The following CLRN1 variants were observed in gnomAD, a reference collection of about 807,000 sequenced individuals.
CLRN1 encodes clarin-1.
A neutral mutation model predicts 18.7 loss-of-function variants in CLRN1; 15 were observed. That is an observed-to-expected ratio of 0.80 (90% confidence interval 0.54 to 1.23). The LOEUF is 1.23. CLRN1 is among the 50% of genes most tolerant of loss of function. The pLI, the probability that CLRN1 is intolerant of heterozygous loss-of-function variation, is 0.00. For synonymous variants in CLRN1, 104 were observed against 102.9 expected, an observed-to-expected ratio of 1.01 and a Z score of -0.07; for missense variants, 311 against 277.5, an observed-to-expected ratio of 1.12 and a Z score of -0.86.
chr3:150,927,889 A>T lies in CLRN1; in HGVS notation c.*47T>A. 1 of 1,611,282 alleles carries T rather than the reference A, an allele frequency of 6.2e-7. No homozygotes were observed. The highest frequency in any genetic ancestry group is 1.1e-5 in the South Asian group (1 of 90,926). On this transcript the variant is annotated 3_prime_UTR_variant, in exon 3 of 3. Transcript: ENST00000327047. ...GCAAAATTAACCACATCTAAAAGTGACCAAAGCAAGTCTACTCCCTTGTAA... is the reference window on the plus strand; with the variant it reads ...GCAAAATTAACCACATCTAAAAGTGTCCAAAGCAAGTCTACTCCCTTGTAA...
intron 1 of CLRN1, among the ~76,000 whole-genome samples, chr3:150,966,918 C>T (rs1240133798): frequency 6.6e-6 from 1 of 152,130 alleles, no homozygotes; most frequent in African/African-American, 2.4e-5. Flanking sequence ...GCGAGCCCCT[C>T]GTTGTATAGA....
intron 1 of CLRN1, among the ~76,000 whole-genome samples, chr3:150,962,505 C>T (rs1165761502): frequency 6.6e-6 from 1 of 152,084 alleles, no homozygotes; most frequent in Non-Finnish European, 1.5e-5. Flanking sequence ...ATTCTATCCC[C>T]TTGGCTCTTA....
At position 150,927,747 on chromosome 3, in the gene CLRN1, C is replaced by T. The variant is rs1173903872; in HGVS notation, c.*189G>A. ...AGCAATTTCCCACCAGATAAAACAA[C>T]TTTTCAAAGCCTTCCTTCTGCTTCC... On this transcript the variant is annotated 3_prime_UTR_variant, in exon 3 of 3. Coordinates refer to ENST00000327047, the MANE Select transcript of CLRN1 (RefSeq NM_174878.3). 2.4e-6 allele frequency: 2 copies of T among 834,274 alleles called. No individual in the cohort carries two copies. Among genetic ancestry groups the T allele is most frequent in the Admixed American group, 4.0e-5 (2 of 49,672 alleles). The allele number at this position is 834,274 out of a possible 1,614,324, so 51.7% of individuals were successfully genotyped here.
In CLRN1 at chr3:150,945,611, T is replaced by G. The variant is rs761102795; in HGVS notation, c.254-3850A>C. 3.2e-5 allele frequency: 41 copies of G among 1,286,950 alleles called. No individual in the cohort carries two copies. In the South Asian group the frequency reaches 5.1e-4, roughly 16 times the overall value. 79.7% of individuals were successfully genotyped at this position (1,286,950 alleles called of 1,614,324 possible). A position where few individuals can be genotyped will look rare whatever the true frequency, so the allele number is the denominator to read the frequency against. On this transcript the variant is annotated intron_variant, in intron 1 of 2. Transcript: ENST00000327047. The stretch of plus-strand genomic sequence containing the variant: ...TTTGGATCCTGATGGTGTTTACCAG[T>G]GTCCTCACTCAGGAGTCATGGCCAG...
At chr3:150,945,181 C>A (rs954081866) in intron 1 of CLRN1, among the ~76,000 whole-genome samples, 5 of 152,164 alleles carry the variant, frequency 3.3e-5, no homozygotes, top group Non-Finnish European at 7.3e-5. Flanking sequence ...CCCATTGGAA[C>A]AGACATCCCA....
At chr3:150,969,597 A>G (rs993894043) in intron 1 of CLRN1, among the ~76,000 whole-genome samples, 1 of 152,030 alleles carries the variant, frequency 6.6e-6, no homozygotes, top group African/African-American at 2.4e-5. Flanking sequence ...AAAAGTTGGG[A>G]TTACAGGCGT....
intron 1 of CLRN1, among the ~76,000 whole-genome samples, chr3:150,958,979 T>C (rs1714892219): frequency 6.6e-6 from 1 of 152,222 alleles, no homozygotes; most frequent in Non-Finnish European, 1.5e-5. Flanking sequence ...TATCCTGGAA[T>C]GAAGCTCCAG....
At chr3:150,958,672 C>T (rs1433559664) in intron 1 of CLRN1, among the ~76,000 whole-genome samples, 2 of 152,206 alleles carry the variant, frequency 1.3e-5, no homozygotes, top group African/African-American at 4.8e-5. Context: ...AAGAACTTCC[C>T]TCTGATTTTC....
In CLRN1 at chr3:150,928,070, A is replaced by G. The variant is rs765666363; in HGVS notation, c.565T>C (p.Phe189Leu). The change falls in exon 3 of 3, where the codon TTC becomes CTC. Residue 189 changes from phenylalanine (F) to leucine (L), a missense_variant. Transcript: ENST00000327047. ...KTQSEKYTTS[F>L]WVIFFCFFVH... Reference sequence around the variant, plus strand: ...AAAAAGCAAAAGAAAATGACCCAGAATGAGGTGGTATATTTTTCACTTTGC... The same window carrying G: ...AAAAAGCAAAAGAAAATGACCCAGAGTGAGGTGGTATATTTTTCACTTTGC... The G allele has an allele frequency of 3.7e-6, 6 of 1,614,046 alleles. No individual in the cohort carries two copies. Among genetic ancestry groups the G allele is most frequent in the Non-Finnish European group, 2.5e-6 (3 of 1,180,002 alleles).
rs1385465825 is a variant in CLRN1 at position 150,951,717 on chromosome 3, AGGGAGACCTCT to A, written c.254-9967_254-9957del. On this transcript the variant is annotated intron_variant, in intron 1 of 2. Coordinates refer to ENST00000327047, the MANE Select transcript of CLRN1 (RefSeq NM_174878.3). ...GCTGTACGTGGCAGCATTAGCTTCT[AGGGAGACCTCT>A]GGGAATTTAACAATCATGGTGGAAG... 5.3e-5 allele frequency among the ~76,000 whole-genome samples: 8 copies of A among 152,262 alleles called. No homozygotes were observed. In the East Asian group the frequency reaches 1.5e-3, roughly 29 times the overall value.
intron 1 of CLRN1, among the ~76,000 whole-genome samples, chr3:150,947,872 T>C (rs970114041): frequency 1.3e-5 from 2 of 152,164 alleles, no homozygotes; most frequent in Non-Finnish European, 2.9e-5. Flanking sequence ...AGATACAACA[T>C]ACCAGACTCT....
intron 1 of CLRN1, among the ~76,000 whole-genome samples, chr3:150,949,457 C>A (rs1490338263): frequency 6.6e-6 from 1 of 152,130 alleles, no homozygotes; most frequent in Non-Finnish European, 1.5e-5. Flanking sequence ...ATCTAAAAAA[C>A]CCCCTAGTCT....
At chr3:150,941,804 C>T in intron 1 of CLRN1, 43 bp from the exon 2 acceptor site, 3 of 1,517,522 alleles carry the variant, frequency 2.0e-6, no homozygotes, top group Middle Eastern at 1.7e-4. Context: ...GTTTCATTAG[C>T]AGTAGTCTGC....
chr3:150,943,941 G>A (rs1043715509), intron 1 of CLRN1: 4 of 1,595,824 alleles, frequency 2.5e-6, no homozygotes, highest in Non-Finnish European at 3.4e-6. Context: ...GGCAGGCTGA[G>A]TAAATGGGGT....
intron 1 of CLRN1, among the ~76,000 whole-genome samples, chr3:150,951,261 AAAAAT>A (rs770548977): frequency 3.3e-5 from 5 of 152,154 alleles, no homozygotes; most frequent in Non-Finnish European, 5.9e-5. Flanking sequence ...AAAGTTTTTT[AAAAAT>A]AAAATAAAAT....
At chr3:150,935,058 G>A (rs998558754) in intron 2 of CLRN1, among the ~76,000 whole-genome samples, 1 of 151,836 alleles carries the variant, frequency 6.6e-6, no homozygotes, top group Non-Finnish European at 1.5e-5. Flanking sequence ...TCGTTTGCTG[G>A]CTTCTCCTCC....
At position 150,927,553 on chromosome 3, in the gene CLRN1, GAT is replaced by G. The variant is rs1418299590; in HGVS notation, c.*381_*382del. Reference sequence around the variant, plus strand: ...TCTGAAATCTGGCAACAAATGTGTGGATATATTAGAGATATTATTTGTTTTTA... The same window carrying G: ...TCTGAAATCTGGCAACAAATGTGTGGATATTAGAGATATTATTTGTTTTTA... On this transcript the variant is annotated 3_prime_UTR_variant, in exon 3 of 3. Coordinates refer to ENST00000327047, the MANE Select transcript of CLRN1 (RefSeq NM_174878.3). 1 of 457,926 alleles carries G rather than the reference GAT, an allele frequency of 2.2e-6. No individual in the cohort carries two copies. The highest frequency in any genetic ancestry group is 4.3e-6 in the Non-Finnish European group (1 of 230,590). 28.4% of individuals were successfully genotyped at this position (457,926 alleles called of 1,614,324 possible). A position where few individuals can be genotyped will look rare whatever the true frequency, so the allele number is the denominator to read the frequency against.
chr3:150,965,177 G>A (rs1043144736), intron 1 of CLRN1, among the ~76,000 whole-genome samples: 1 of 152,106 alleles, frequency 6.6e-6, no homozygotes, highest in African/African-American at 2.4e-5. Context: ...TTTACCATAT[G>A]CATATGAATT....
chr3:150,937,953 A>G (rs1713591091), intron 2 of CLRN1, among the ~76,000 whole-genome samples: 1 of 152,112 alleles, frequency 6.6e-6, no homozygotes, highest in Non-Finnish European at 1.5e-5. Flanking sequence ...GTCCAGATAG[A>G]CAATTGGGAG....
Sources: allele counts gnomAD v4.1 joint callset (sites outside exome capture counted in the v4.1 genomes callset), GRCh38; gene constraint gnomAD v4.1.1; transcripts MANE v1.5; gene names NCBI Gene and HGNC (gene_info 2026-07-23, HGNC 2026-07-21).